Variants in ABHD12 observed in about 807,000 individuals in gnomAD.
ABHD12 encodes the protein lysophosphatidylserine lipase ABHD12.
ABHD12 carries 43 observed loss-of-function variants against 58.3 expected under a neutral mutation model. The ratio of observed to expected loss-of-function variants is 0.74; its 90% CI spans 0.58 to 0.95. The LOEUF is 0.95. Ranked by LOEUF, ABHD12 falls within the 40% of genes least tolerant of loss-of-function variation. ABHD12 has a pLI of 0.00. For missense variants in ABHD12, 539 were observed against 537.2 expected, an observed-to-expected ratio of 1.00 and a Z score of -0.03; for synonymous variants, 219 against 211.2, an observed-to-expected ratio of 1.04 and a Z score of -0.32.
At chr20:25,312,082 G>A (rs893941758) in intron 6 of ABHD12, among the ~76,000 whole-genome samples, 4 of 152,082 alleles carry the variant, frequency 2.6e-5, no homozygotes, top group African/African-American at 9.7e-5. Context: ...ACTTCGGGAG[G>A]CCAAGGTGGG....
At chr20:25,384,719 C>T (rs1600888496) in intron 1 of ABHD12, among the ~76,000 whole-genome samples, 1 of 152,052 alleles carries the variant, frequency 6.6e-6, no homozygotes, top group African/African-American at 2.4e-5. Context: ...CACTCCAGTC[C>T]GGGTGTAGAG....
chr20:25,359,313 A>G lies in ABHD12; in HGVS notation c.192-19962T>C, dbSNP rs1035174984. Among the ~76,000 whole-genome samples, 14 of 147,758 alleles carry G rather than the reference A, an allele frequency of 9.5e-5. 1 individual carries two copies. The highest frequency in any genetic ancestry group is 3.5e-4 in the African/African-American group (14 of 39,912). The stretch of plus-strand genomic sequence containing the variant: ...ATGGCGGGCGCCTGTAGTCCCAGCT[A>G]CTCGGGAGGCTGAGGCAAGAGAATG... On this transcript the variant is annotated intron_variant, in intron 1 of 12. Transcript: ENST00000339157.
At position 25,300,288 on chromosome 20, in the gene ABHD12, G is replaced by A; in HGVS notation, c.*557C>T. The A allele has an allele frequency of 1.4e-5, 14 of 1,025,754 alleles. No homozygotes were observed. The highest frequency in any genetic ancestry group is 1.5e-5 in the Non-Finnish European group (13 of 853,646). 63.5% of individuals were successfully genotyped at this position (1,025,754 alleles called of 1,614,324 possible). A position where few individuals can be genotyped will look rare whatever the true frequency, so the allele number is the denominator to read the frequency against. On this transcript the variant is annotated 3_prime_UTR_variant, in exon 13 of 13. Coordinates refer to ENST00000339157, the MANE Select transcript of ABHD12 (RefSeq NM_001042472.3). The stretch of plus-strand genomic sequence containing the variant: ...TTAGGTGTACAGGTAGGTGAAAGGG[G>A]AGGAAGTGCAGATCCCGGGCACTTC...
intron 2 of ABHD12, among the ~76,000 whole-genome samples, chr20:25,327,066 G>A (rs1048061817): frequency 6.6e-6 from 1 of 152,164 alleles, no homozygotes; most frequent in African/African-American, 2.4e-5. Context: ...TTTCACCTTG[G>A]GGTAAACACC....
At chr20:25,347,906 GAA>G (rs754926629) in intron 1 of ABHD12, among the ~76,000 whole-genome samples, 16 of 130,858 alleles carry the variant, frequency 1.2e-4, no homozygotes, top group African/African-American at 3.3e-4. Context: ...TGTGGGTTTA[GAA>G]AAAAAAAAAA....
At chr20:25,365,178 G>A (rs944131720) in intron 1 of ABHD12, among the ~76,000 whole-genome samples, 91 of 152,156 alleles carry the variant, frequency 6.0e-4, no homozygotes, top group Non-Finnish European at 1.6e-4. Context: ...TTTGAAAAAG[G>A]TCATATGTTT....
At chr20:25,347,778 C>T (rs898232695) in intron 1 of ABHD12, among the ~76,000 whole-genome samples, 1 of 151,676 alleles carries the variant, frequency 6.6e-6, no homozygotes, top group Non-Finnish European at 1.5e-5. Flanking sequence ...ATCTCTTCAG[C>T]AAGTCTGAAA....
At chr20:25,313,854 A>G (rs1042940861) in intron 6 of ABHD12, among the ~76,000 whole-genome samples, 1 of 152,210 alleles carries the variant, frequency 6.6e-6, no homozygotes, top group Non-Finnish European at 1.5e-5. Context: ...GTTGCCTATT[A>G]AGCCACAGTG....
chr20:25,303,871 T>G (rs1021416609), intron 10 of ABHD12, among the ~76,000 whole-genome samples: 1 of 152,246 alleles, frequency 6.6e-6, no homozygotes, highest in Admixed American at 6.5e-5. Context: ...TTCTGAAAAT[T>G]GAAAATGATT....
At chr20:25,339,869 G>C in intron 1 of ABHD12, 1 of 863,758 alleles carries the variant, frequency 1.2e-6, no homozygotes, top group Middle Eastern at 4.8e-4. Context: ...CTGGCACGGT[G>C]TGTCCTTGCA....
chr20:25,304,851 G>A (rs1358072879), intron 10 of ABHD12, among the ~76,000 whole-genome samples: 1 of 152,154 alleles, frequency 6.6e-6, no homozygotes, highest in Non-Finnish European at 1.5e-5. Context: ...ACAGTGGTGA[G>A]CCACCACACC....
At chr20:25,378,858 T>G (rs1285787440) in intron 1 of ABHD12, among the ~76,000 whole-genome samples, 3 of 152,228 alleles carry the variant, frequency 2.0e-5, no homozygotes, top group African/African-American at 7.2e-5. Context: ...TCTCAGCCTT[T>G]CCCACACCAA....
At chr20:25,356,842 T>C (rs1162703222) in intron 1 of ABHD12, among the ~76,000 whole-genome samples, 3 of 152,072 alleles carry the variant, frequency 2.0e-5, no homozygotes, top group Non-Finnish European at 2.9e-5. Context: ...GACTGGGCAG[T>C]GAGCAGCACA....
rs534735020 is a variant in ABHD12, at chr20:25,350,040, C to G, written c.192-10689G>C. On this transcript the variant is annotated intron_variant, in intron 1 of 12. Transcript: ENST00000339157. ...ATAGTGAGGATAAAAGAGGGGCTTACAAAGTTAGTAAAATTCAACATGTAG... is the reference window on the plus strand; with the variant it reads ...ATAGTGAGGATAAAAGAGGGGCTTAGAAAGTTAGTAAAATTCAACATGTAG... 5.3e-5 allele frequency among the ~76,000 whole-genome samples: 8 copies of G among 152,216 alleles called. No homozygotes were observed. In the South Asian group the frequency reaches 6.2e-4, roughly 12 times the overall value.
intron 2 of ABHD12, among the ~76,000 whole-genome samples, chr20:25,326,542 T>C (rs1258419314): frequency 6.6e-6 from 1 of 152,200 alleles, no homozygotes; most frequent in Non-Finnish European, 1.5e-5. Flanking sequence ...AAGTCTTATC[T>C]GAGATTCCTT....
At chr20:25,329,940 G>A (rs2089240857) in intron 2 of ABHD12, among the ~76,000 whole-genome samples, 1 of 152,166 alleles carries the variant, frequency 6.6e-6, no homozygotes, top group African/African-American at 2.4e-5. Context: ...CAAATGCATG[G>A]AATTGTGTTG....
At chr20:25,387,781 G>A (rs1305751276) in intron 1 of ABHD12, among the ~76,000 whole-genome samples, 1 of 151,120 alleles carries the variant, frequency 6.6e-6, no homozygotes, top group Non-Finnish European at 1.5e-5. Flanking sequence ...TGTGGCTCAC[G>A]CCTGTAATCC....
At chr20:25,350,027 A>G (rs1292406719) in intron 1 of ABHD12, among the ~76,000 whole-genome samples, 2 of 152,212 alleles carry the variant, frequency 1.3e-5, no homozygotes, top group African/African-American at 4.8e-5. Context: ...AGTGAGGATA[A>G]AAGAGGGGCT....
intron 1 of ABHD12, among the ~76,000 whole-genome samples, chr20:25,379,374 A>G (rs2089996731): frequency 2.0e-5 from 3 of 152,214 alleles, no homozygotes; most frequent in African/African-American, 7.2e-5. Context: ...CTGCCCTCCT[A>G]GCAGATGGCC....
Sources: allele counts gnomAD v4.1 joint callset (sites outside exome capture counted in the v4.1 genomes callset), GRCh38; gene constraint gnomAD v4.1.1; transcripts MANE v1.5; gene names NCBI Gene and HGNC (gene_info 2026-07-23, HGNC 2026-07-21).